Variants in MRE11 observed in about 807,000 individuals in gnomAD.
MRE11 encodes the protein MRE11 double strand break repair nuclease.
MRE11 carries 62 observed loss-of-function variants against 91.7 expected under a neutral mutation model. That is an observed-to-expected ratio of 0.68 (90% confidence interval 0.55 to 0.84). The LOEUF is 0.84. Among genes scored for constraint, MRE11 ranks in the 40% least tolerant of loss-of-function variants. MRE11 has a pLI of 0.00. For synonymous variants in MRE11, 273 were observed against 271.4 expected, an observed-to-expected ratio of 1.01 and a Z score of -0.06; for missense variants, 796 against 852.9, an observed-to-expected ratio of 0.93 and a Z score of 0.83.
upstream of MRE11, chr11:94,496,476 T>C (rs1947419909): frequency 2.1e-6 from 1 of 465,648 alleles, no homozygotes; most frequent in Admixed American, 3.8e-5. Flanking sequence ...TTAGTGTATG[T>C]AAGGGATATC....
chr11:94,439,466 A>C (rs574647428), intron 16 of MRE11, among the ~76,000 whole-genome samples: 18 of 152,366 alleles, frequency 1.2e-4, no homozygotes, highest in African/African-American at 4.1e-4. Flanking sequence ...ATTCATCTTC[A>C]TAATCTTATT....
the MRE11 span, among the ~76,000 whole-genome samples, chr11:94,505,135 T>A: frequency 6.6e-6 from 1 of 152,358 alleles, no homozygotes; most frequent in East Asian, 1.9e-4. Flanking sequence ...TGGATAATGA[T>A]AATAAACAAC....
intron 19 of MRE11, among the ~76,000 whole-genome samples, chr11:94,421,074 G>A (rs535361368): frequency 6.6e-6 from 1 of 151,914 alleles, no homozygotes; most frequent in South Asian, 2.1e-4. Context: ...GCTATAGATT[G>A]TATGCATGGT....
At chr11:94,471,355 C>G (rs1946704416) in intron 8 of MRE11, among the ~76,000 whole-genome samples, 1 of 151,852 alleles carries the variant, frequency 6.6e-6, no homozygotes. Flanking sequence ...TAATGAGCAG[C>G]AAAATAACAC....
intron 9 of MRE11, 82 bp from the exon 10 acceptor site, chr11:94,467,975 T>C (rs1946611824): frequency 1.8e-6 from 2 of 1,081,264 alleles, no homozygotes; most frequent in Admixed American, 3.5e-5. Flanking sequence ...ACCACAGGAA[T>C]TTTCCTGAAC....
chr11:94,502,162 G>C, the MRE11 span, among the ~76,000 whole-genome samples: 1 of 152,206 alleles, frequency 6.6e-6, no homozygotes, highest in East Asian at 1.9e-4. Context: ...GATAATCATT[G>C]TATAAAAGGA....
rs1346990942 is a variant in MRE11, at chr11:94,419,175, GCTA to G, written c.*947_*949del. On this transcript the variant is annotated 3_prime_UTR_variant, in exon 20 of 20. Transcript: ENST00000323929. ...AGTAAAAAATAGAAGCTTAACATGG[GCTA>G]CTAAGATTTCTGGAATTGCCCATTC... 4.3e-6 allele frequency: 1 copy of G among 232,586 alleles called. No homozygotes were observed. The highest frequency in any genetic ancestry group is 8.5e-6 in the Non-Finnish European group (1 of 117,828). The allele number at this position is 232,586 out of a possible 1,614,324, so 14.4% of individuals were successfully genotyped here.
At chr11:94,463,004 T>A (rs1434208158) in intron 11 of MRE11, among the ~76,000 whole-genome samples, 1 of 152,132 alleles carries the variant, frequency 6.6e-6, no homozygotes, top group African/African-American at 2.4e-5. Context: ...ACCTACAGAA[T>A]GGGAGAACAT....
chr11:94,479,779 ACT>A lies in MRE11; in HGVS notation c.315-20_315-19del. 6.3e-7 allele frequency: 1 copy of A among 1,599,262 alleles called. No homozygotes were observed. Among genetic ancestry groups the A allele is most frequent in the Non-Finnish European group, 8.5e-7 (1 of 1,170,892 alleles). ...ATGGAAACCTTAAAAAAAAAAAGTT[ACT>A]TAAAATTTCCATACGGGACAAAAGC... is the stretch of plus-strand genomic sequence containing the variant. On this transcript the variant is annotated intron_variant, in intron 4 of 19. Coordinates refer to ENST00000323929, the MANE Select transcript of MRE11 (RefSeq NM_005591.4).
chr11:94,435,708 T>C, intron 18 of MRE11, 124 bp downstream of exon 18: 1 of 777,160 alleles, frequency 1.3e-6, no homozygotes, highest in Non-Finnish European at 2.2e-6. Context: ...TTCCTCTACA[T>C]ACTTTACTAG....
intron 14 of MRE11, among the ~76,000 whole-genome samples, chr11:94,448,507 G>A (rs778667958): frequency 3.3e-5 from 5 of 152,034 alleles, no homozygotes; most frequent in Non-Finnish European, 4.4e-5. Flanking sequence ...TGAGGTAGGA[G>A]GATCGCTCAA....
intron 10 of MRE11, among the ~76,000 whole-genome samples, chr11:94,465,162 C>A (rs1235253777): frequency 6.6e-6 from 1 of 152,108 alleles, no homozygotes; most frequent in South Asian, 2.1e-4. Context: ...TTAGTCAGTA[C>A]AATGTAGTTT....
chr11:94,434,394 A>T (rs1945544227), intron 18 of MRE11, among the ~76,000 whole-genome samples: 1 of 152,190 alleles, frequency 6.6e-6, no homozygotes, highest in Non-Finnish European at 1.5e-5. Flanking sequence ...CTCAGACTCA[A>T]CCATACCCAA....
rs192979170 is a variant in MRE11 at position 94,464,073 on chromosome 11, A to G, written c.1225+40T>C. On this transcript the variant is annotated intron_variant, in intron 11 of 19. Coordinates refer to ENST00000323929, the MANE Select transcript of MRE11 (RefSeq NM_005591.4). Reference sequence around the variant, plus strand: ...TAATAAAGATTCCTTCACAAATCCTATAAGAACATTTTTTTACCTCATAAA... The same window carrying G: ...TAATAAAGATTCCTTCACAAATCCTGTAAGAACATTTTTTTACCTCATAAA... 2.6e-4 allele frequency: 408 copies of G among 1,596,896 alleles called. No individual in the cohort carries two copies. Among genetic ancestry groups the G allele is most frequent in the Middle Eastern group, 4.5e-4 (2 of 4,492 alleles).
chr11:94,472,511 T>C (rs893867926), intron 7 of MRE11, among the ~76,000 whole-genome samples: 1 of 152,098 alleles, frequency 6.6e-6, no homozygotes, highest in African/African-American at 2.4e-5. Flanking sequence ...AGGCTTCTTC[T>C]AGATATGGAA....
At chr11:94,441,979 A>G (rs1230691873) in intron 16 of MRE11, among the ~76,000 whole-genome samples, 1 of 142,922 alleles carries the variant, frequency 7.0e-6, no homozygotes, top group Non-Finnish European at 1.5e-5. Context: ...CTCTGTCTCA[A>G]AAAAAAAAAA....
chr11:94,504,708 G>C, the MRE11 span, among the ~76,000 whole-genome samples: 2 of 152,182 alleles, frequency 1.3e-5, no homozygotes, highest in African/African-American at 2.4e-5. Flanking sequence ...AAGACAAACT[G>C]AGATGATTTC....
chr11:94,488,209 T>C (rs1026333479), intron 3 of MRE11, among the ~76,000 whole-genome samples: 2 of 152,192 alleles, frequency 1.3e-5, no homozygotes, highest in Non-Finnish European at 2.9e-5. Flanking sequence ...CAGGATTCTC[T>C]GGCAGGAAAC....
chr11:94,510,334 A>G, the MRE11 span, among the ~76,000 whole-genome samples: 1 of 152,222 alleles, frequency 6.6e-6, no homozygotes, highest in Non-Finnish European at 1.5e-5. Flanking sequence ...CTTTAGGTAT[A>G]GATTTACCAT....
Sources: allele counts gnomAD v4.1 joint callset (sites outside exome capture counted in the v4.1 genomes callset), GRCh38; gene constraint gnomAD v4.1.1; transcripts MANE v1.5; gene names NCBI Gene and HGNC (gene_info 2026-07-23, HGNC 2026-07-21).